Variants in TTC7B observed in about 807,000 individuals in gnomAD.
TTC7B encodes tetratricopeptide repeat domain 7B, also known as tetratricopeptide repeat protein 7B.
A neutral mutation model predicts 106.8 loss-of-function variants in TTC7B; 28 were observed. The ratio of observed to expected loss-of-function variants is 0.26; its 90% CI spans 0.19 to 0.36. The LOEUF (loss-of-function observed/expected upper bound fraction) is 0.36, where lower values mean the gene tolerates loss of function less well. TTC7B is among the 10% of genes least tolerant of loss of function. TTC7B has a pLI of 1.00. For synonymous variants in TTC7B, 405 were observed against 430.6 expected, an observed-to-expected ratio of 0.94 and a Z score of 0.74; for missense variants, 862 against 1,076.4, an observed-to-expected ratio of 0.80 and a Z score of 2.79.
chr14:90,640,369 C>A (rs1885122590), intron 15 of TTC7B, among the ~76,000 whole-genome samples: 1 of 151,952 alleles, frequency 6.6e-6, no homozygotes, highest in Admixed American at 6.6e-5. Context: ...TGGTCATTAA[C>A]CTGTCAGGTG....
At chr14:90,771,048 G>A (rs1015131895) in intron 3 of TTC7B, among the ~76,000 whole-genome samples, 3 of 152,154 alleles carry the variant, frequency 2.0e-5, no homozygotes, top group Non-Finnish European at 4.4e-5. Flanking sequence ...CTGGGGGTGG[G>A]AGGGGAATGG....
At chr14:90,605,793 A>C in intron 17 of TTC7B, 1 of 1,091,356 alleles carries the variant, frequency 9.2e-7, no homozygotes, top group Non-Finnish European at 1.2e-6. Flanking sequence ...GGGTGAAGGC[A>C]AAAAAAAAAC....
In TTC7B at chr14:90,786,269, G is replaced by C; in HGVS notation, c.181C>G (p.Pro61Ala). 1 of 1,613,104 alleles carries C rather than the reference G, an allele frequency of 6.2e-7. No individual in the cohort carries two copies. Among genetic ancestry groups the C allele is most frequent in the Non-Finnish European group, 8.5e-7 (1 of 1,179,578 alleles). The change falls in exon 2 of 20, where the codon CCC becomes GCC. Residue 61 changes from proline to alanine, a missense_variant. Coordinates refer to ENST00000328459, the MANE Select transcript of TTC7B (RefSeq NM_001010854.2). ...CGGGGACTGGCCCCCTGCCTCAGGGGGTGTTCCTTCAGGTACTGCTCCAGC... is the reference window on the plus strand; with the variant it reads ...CGGGGACTGGCCCCCTGCCTCAGGGCGTGTTCCTTCAGGTACTGCTCCAGC... ...SKLEQYLKEH[P>A]LRQGASPRGP...
intron 9 of TTC7B, among the ~76,000 whole-genome samples, chr14:90,669,374 G>T (rs1031608549): frequency 1.3e-5 from 2 of 152,110 alleles, no homozygotes; most frequent in Admixed American, 6.5e-5. Flanking sequence ...ACTTAATCAA[G>T]ATTTAAAACT....
At chr14:90,732,539 G>A (rs543592540) in intron 4 of TTC7B, among the ~76,000 whole-genome samples, 12 of 152,196 alleles carry the variant, frequency 7.9e-5, no homozygotes, top group Admixed American at 6.5e-4. Context: ...CACCATACTC[G>A]GCTAATTCTT....
At chr14:90,815,021 C>T (rs1171960538) in intron 1 of TTC7B, among the ~76,000 whole-genome samples, 1 of 152,226 alleles carries the variant, frequency 6.6e-6, no homozygotes, top group Non-Finnish European at 1.5e-5. Context: ...TCCAGGAGGA[C>T]ACCTGACATC....
intron 3 of TTC7B, among the ~76,000 whole-genome samples, chr14:90,763,485 C>T (rs1890571226): frequency 6.6e-6 from 1 of 152,182 alleles, no homozygotes; most frequent in Non-Finnish European, 1.5e-5. Flanking sequence ...TTCTAATCAA[C>T]ATTGTACTGG....
intron 3 of TTC7B, among the ~76,000 whole-genome samples, chr14:90,773,230 C>A (rs1329745867): frequency 9.2e-5 from 14 of 152,238 alleles, no homozygotes; most frequent in Admixed American, 9.2e-4. Flanking sequence ...ATTTAGTCTT[C>A]TCAGTACTCT....
At chr14:90,798,496 AGG>A (rs2030018107) in intron 1 of TTC7B, among the ~76,000 whole-genome samples, 9 of 152,108 alleles carry the variant, frequency 5.9e-5, no homozygotes, top group Admixed American at 3.3e-4. Flanking sequence ...CACTCGCCTG[AGG>A]TCAAGAGTTC....
chr14:90,794,211 CTTTTTTTTTTTTTTTTTT>C (rs1186061223), intron 1 of TTC7B, among the ~76,000 whole-genome samples: 1 of 45,096 alleles, frequency 2.2e-5, no homozygotes, highest in African/African-American at 7.1e-5. Context: ...CTGGGTATTT[CTTTTTTTTTTTTTTTTTT>C]TTTTTTTTGA....
At chr14:90,801,847 G>C (rs1489162111) in intron 1 of TTC7B, among the ~76,000 whole-genome samples, 4 of 152,256 alleles carry the variant, frequency 2.6e-5, no homozygotes, top group South Asian at 4.1e-4. Flanking sequence ...GATCACCTGA[G>C]GTCAGGAGTT....
chr14:90,733,031 C>T (rs1469111381), intron 4 of TTC7B, among the ~76,000 whole-genome samples: 5 of 152,134 alleles, frequency 3.3e-5, no homozygotes, highest in African/African-American at 1.2e-4. Context: ...CTACAAATTC[C>T]ACAAAGTCAG....
intron 3 of TTC7B, among the ~76,000 whole-genome samples, chr14:90,745,971 G>T (rs1378873676): frequency 7.0e-6 from 1 of 142,478 alleles, no homozygotes; most frequent in East Asian, 2.2e-4. Flanking sequence ...CCAAAGTGCC[G>T]GGATTACAGG....
At chr14:90,639,723 G>A (rs914779783) in intron 15 of TTC7B, among the ~76,000 whole-genome samples, 20 of 152,178 alleles carry the variant, frequency 1.3e-4, no homozygotes, top group African/African-American at 4.1e-4. Flanking sequence ...CTGTAAAGAA[G>A]ATTTACAAGC....
intron 1 of TTC7B, 123 bp downstream of exon 1, chr14:90,816,052 G>T (rs1209654452): frequency 1.8e-5 from 17 of 964,704 alleles, no homozygotes; most frequent in Middle Eastern, 5.3e-4. Flanking sequence ...CCCCTGGGCC[G>T]CAGCTCCCTC....
rs140069618 is a variant in TTC7B at position 90,691,153 on chromosome 14, A to T, written c.778-1441T>A. 1.2e-4 allele frequency among the ~76,000 whole-genome samples: 18 copies of T among 152,194 alleles called. No individual in the cohort carries two copies. The East Asian group carries it at 3.5e-3, about 29-fold the overall frequency. ...ACTTCAACTGGCAAAAATAACTTCC[A>T]CTCACTATAGCTGAGAAATAAGTGT... On this transcript the variant is annotated intron_variant, in intron 6 of 19. Transcript: ENST00000328459.
At chr14:90,563,578 G>GGGCCTTA (rs1433638471) in intron 19 of TTC7B, among the ~76,000 whole-genome samples, 1 of 152,188 alleles carries the variant, frequency 6.6e-6, no homozygotes, top group Non-Finnish European at 1.5e-5. Flanking sequence ...CCCTGGGGCA[G>GGGCCTTA]TTTCCTACAA....
chr14:90,613,569 T>C (rs1892955085), intron 16 of TTC7B, among the ~76,000 whole-genome samples: 1 of 152,144 alleles, frequency 6.6e-6, no homozygotes, highest in Non-Finnish European at 1.5e-5. Flanking sequence ...ACCCTGAGTC[T>C]CCCTAACTTG....
At position 90,620,295 on chromosome 14, in the gene TTC7B, G is replaced by A. The variant is rs549308621; in HGVS notation, c.1752-2250C>T. On this transcript the variant is annotated intron_variant, in intron 15 of 19. Coordinates refer to ENST00000328459, the MANE Select transcript of TTC7B (RefSeq NM_001010854.2). ...TCTGCTCAAAAACATCCCAAGAAGCGGAAATGCTTTGGAAGCCTTACCAAG... is the reference window on the plus strand; with the variant it reads ...TCTGCTCAAAAACATCCCAAGAAGCAGAAATGCTTTGGAAGCCTTACCAAG... 5.9e-5 allele frequency among the ~76,000 whole-genome samples: 9 copies of A among 152,202 alleles called. No individual in the cohort carries two copies. In the South Asian group the frequency reaches 1.5e-3, roughly 25 times the overall value.
Sources: gnomAD v4.1 joint callset for allele counts (sites outside exome capture counted in the v4.1 genomes callset) on GRCh38, gnomAD v4.1.1 for gene constraint, MANE v1.5 for transcripts, NCBI Gene and HGNC (gene_info 2026-07-23, HGNC 2026-07-21) for gene names.